CDKAL1: variants seen among roughly 807,000 people sequenced by gnomAD.
The protein encoded by CDKAL1 is CDKAL1 threonylcarbamoyladenosine tRNA methylthiotransferase.
In CDKAL1, 32 loss-of-function variants were observed where a neutral mutation model predicts 68.2. The observed-to-expected ratio is 0.47, with a 90% CI of 0.35 to 0.63. The LOEUF is 0.63. Ranked by LOEUF, CDKAL1 falls within the 30% of genes least tolerant of loss-of-function variation. The pLI, the probability that CDKAL1 is intolerant of heterozygous loss-of-function variation, is 0.00. For synonymous variants in CDKAL1, 234 were observed against 244.3 expected, an observed-to-expected ratio of 0.96 and a Z score of 0.39; for missense variants, 606 against 696.7, an observed-to-expected ratio of 0.87 and a Z score of 1.47.
At chr6:21,206,130 C>A (rs1778926583) in intron 15 of CDKAL1, among the ~76,000 whole-genome samples, 1 of 152,148 alleles carries the variant, frequency 6.6e-6, no homozygotes. Flanking sequence ...CACACCGGAC[C>A]AGTCAAGCCT....
intron 9 of CDKAL1, among the ~76,000 whole-genome samples, chr6:20,925,532 A>G (rs1763148035): frequency 6.6e-6 from 1 of 152,228 alleles, no homozygotes; most frequent in East Asian, 1.9e-4. Flanking sequence ...TTAATAAACT[A>G]TTAAGGTGAA....
intron 10 of CDKAL1, among the ~76,000 whole-genome samples, chr6:20,961,310 G>A (rs568023006): frequency 2.0e-4 from 31 of 152,260 alleles, no homozygotes; most frequent in African/African-American, 6.7e-4. Context: ...GGAACTAGAG[G>A]CCATTATCCT....
intron 9 of CDKAL1, among the ~76,000 whole-genome samples, chr6:20,947,364 A>G (rs986482699): frequency 1.3e-5 from 2 of 152,112 alleles, no homozygotes; most frequent in Non-Finnish European, 2.9e-5. Context: ...GCCAAGGAGG[A>G]CAGATTTTTT....
At chr6:20,958,081 G>C (rs1764874027) in intron 10 of CDKAL1, among the ~76,000 whole-genome samples, 1 of 151,670 alleles carries the variant, frequency 6.6e-6, no homozygotes, top group South Asian at 2.1e-4. Context: ...GGCAGCAAAA[G>C]ATGATGAAGT....
At chr6:21,000,485 C>T in intron 11 of CDKAL1, 113 bp downstream of exon 11, 1 of 892,426 alleles carries the variant, frequency 1.1e-6, no homozygotes, top group South Asian at 1.8e-5. Flanking sequence ...GAAGGCGAGA[C>T]TTTCGAAGCT....
At chr6:20,723,013 C>T (rs1165840122) in intron 5 of CDKAL1, among the ~76,000 whole-genome samples, 1 of 152,120 alleles carries the variant, frequency 6.6e-6, no homozygotes, top group Non-Finnish European at 1.5e-5. Flanking sequence ...TCCATGTGAC[C>T]TCATTCTTCT....
intron 9 of CDKAL1, among the ~76,000 whole-genome samples, chr6:20,913,731 A>C (rs759577154): frequency 6.6e-5 from 10 of 152,220 alleles, no homozygotes; most frequent in African/African-American, 9.6e-5. Context: ...CTGTAATCTC[A>C]GTGCTTTGGG....
intron 10 of CDKAL1, among the ~76,000 whole-genome samples, chr6:20,994,342 G>T (rs1269438636): frequency 6.6e-6 from 1 of 152,158 alleles, no homozygotes; most frequent in Non-Finnish European, 1.5e-5. Flanking sequence ...AGCCAGGTAC[G>T]GTGGCAGGCA....
chr6:20,654,185 T>C (rs546203212), intron 5 of CDKAL1, among the ~76,000 whole-genome samples: 1 of 152,208 alleles, frequency 6.6e-6, no homozygotes, highest in African/African-American at 2.4e-5. Flanking sequence ...GCCCGGCCTT[T>C]GTTGCATTTC....
At chr6:20,917,972 A>G (rs1030436892) in intron 9 of CDKAL1, among the ~76,000 whole-genome samples, 3 of 152,152 alleles carry the variant, frequency 2.0e-5, no homozygotes, top group African/African-American at 7.2e-5. Context: ...TTGGCTGGGT[A>G]TGGTGGCACA....
At chr6:20,940,606 G>A (rs1354751060) in intron 9 of CDKAL1, among the ~76,000 whole-genome samples, 1 of 152,166 alleles carries the variant, frequency 6.6e-6, no homozygotes, top group Non-Finnish European at 1.5e-5. Context: ...CCAGGCTGGA[G>A]TGCAAAATGG....
In CDKAL1 at chr6:20,535,526, G is replaced by A. The variant is rs569410537; in HGVS notation, c.-6+132G>A. 6 of 152,296 alleles carry A rather than the reference G, an allele frequency of 3.9e-5. No homozygotes were observed. In the East Asian group the frequency reaches 9.6e-4, roughly 24 times the overall value. The allele number at this position is 152,296 out of a possible 1,614,324, so 9.4% of individuals were successfully genotyped here. The stretch of plus-strand genomic sequence containing the variant: ...TTATGGAAACATTGTGCTTTACATA[G>A]CATTAAATCGAAGAGATATTTTCAT... On this transcript the variant is annotated intron_variant, in intron 2 of 15. Coordinates refer to ENST00000274695, the MANE Select transcript of CDKAL1 (RefSeq NM_017774.3).
intron 10 of CDKAL1, among the ~76,000 whole-genome samples, chr6:20,962,177 AT>A (rs1348323610): frequency 6.6e-6 from 1 of 152,242 alleles, no homozygotes; most frequent in East Asian, 1.9e-4. Context: ...GCCAAACAAC[AT>A]TGACACTAAC....
intron 13 of CDKAL1, among the ~76,000 whole-genome samples, chr6:21,183,528 T>TTTAA: frequency 1.3e-5 from 2 of 152,310 alleles, no homozygotes; most frequent in African/African-American, 4.8e-5. Context: ...TCCAAGACAG[T>TTTAA]TTTCTACTTG....
chr6:20,654,686 T>A (rs1768944697), intron 5 of CDKAL1, among the ~76,000 whole-genome samples: 1 of 152,180 alleles, frequency 6.6e-6, no homozygotes, highest in Non-Finnish European at 1.5e-5. Context: ...ACCAATTGTT[T>A]CAGTATCATT....
chr6:21,071,759 A>G (rs1340609548), intron 12 of CDKAL1, among the ~76,000 whole-genome samples: 1 of 152,132 alleles, frequency 6.6e-6, no homozygotes, highest in Non-Finnish European at 1.5e-5. Flanking sequence ...CCAGGTGCTA[A>G]GGTAAGAACT....
chr6:20,807,530 T>A (rs1229285483), intron 8 of CDKAL1, among the ~76,000 whole-genome samples: 1 of 152,170 alleles, frequency 6.6e-6, no homozygotes, highest in Non-Finnish European at 1.5e-5. Flanking sequence ...CTGAAATTTT[T>A]CTGAATGAAA....
At chr6:21,130,894 A>T (rs1488283340) in intron 13 of CDKAL1, among the ~76,000 whole-genome samples, 2 of 152,130 alleles carry the variant, frequency 1.3e-5, no homozygotes, top group Non-Finnish European at 2.9e-5. Context: ...GACTAAAAGG[A>T]CCTGCCAGCT....
intron 9 of CDKAL1, among the ~76,000 whole-genome samples, chr6:20,932,362 C>G (rs1763500422): frequency 6.6e-6 from 1 of 152,128 alleles, no homozygotes; most frequent in East Asian, 1.9e-4. Context: ...CTGGACCTAC[C>G]TAATTAGAAT....
Sources: gnomAD v4.1 joint callset for allele counts (sites outside exome capture counted in the v4.1 genomes callset) on GRCh38, gnomAD v4.1.1 for gene constraint, MANE v1.5 for transcripts, NCBI Gene and HGNC (gene_info 2026-07-23, HGNC 2026-07-21) for gene names.